GFRA1: variants seen among roughly 807,000 people sequenced by gnomAD.
GFRA1 encodes GDNF family receptor alpha-1.
A neutral mutation model predicts 51.6 loss-of-function variants in GFRA1; 16 were observed. The observed-to-expected ratio is 0.31, with a 90% CI of 0.21 to 0.47. The LOEUF (loss-of-function observed/expected upper bound fraction) is 0.47, where lower values mean the gene tolerates loss of function less well. Ranked by LOEUF, GFRA1 falls within the 20% of genes least tolerant of loss-of-function variation. GFRA1 has a pLI of 1.00. For missense variants in GFRA1, 530 were observed against 594.3 expected (o/e 0.89, Z 1.13); for synonymous variants, 270 against 241.3 (o/e 1.12, Z -1.10).
In GFRA1 at chr10:116,059,403, G is replaced by C. The variant is rs1954693489; in HGVS notation, c.*4995C>G. 1.3e-5 allele frequency: 2 copies of C among 152,252 alleles called. No homozygotes were observed. The highest frequency in any genetic ancestry group is 2.9e-5 in the Non-Finnish European group (2 of 68,084). 9.4% of individuals were successfully genotyped at this position (152,252 alleles called of 1,614,324 possible). Reference sequence around the variant, plus strand: ...AGAAAATCAGAGAAAACCTTCTATTGATGCCGGTGCTGGGCTTGGCAGCTG... The same window carrying C: ...AGAAAATCAGAGAAAACCTTCTATTCATGCCGGTGCTGGGCTTGGCAGCTG... On this transcript the variant is annotated 3_prime_UTR_variant, in exon 11 of 11. Transcript: ENST00000355422.
At chr10:116,227,850 T>C (rs933389349) in intron 4 of GFRA1, among the ~76,000 whole-genome samples, 5 of 152,208 alleles carry the variant, frequency 3.3e-5, no homozygotes, top group African/African-American at 9.6e-5. Flanking sequence ...GCACTTAGAA[T>C]GGGCCATGCA....
chr10:116,257,594 C>T (rs1968971804), intron 4 of GFRA1, among the ~76,000 whole-genome samples: 1 of 152,182 alleles, frequency 6.6e-6, no homozygotes, highest in Non-Finnish European at 1.5e-5. Flanking sequence ...TGAGAGGTTA[C>T]TCACCCACAG....
intron 5 of GFRA1, among the ~76,000 whole-genome samples, chr10:116,195,355 G>C (rs1211797426): frequency 2.0e-5 from 3 of 152,146 alleles, no homozygotes; most frequent in African/African-American, 7.2e-5. Context: ...TAACATTCTT[G>C]TAGAGCAGTG....
At chr10:116,157,048 G>A (rs1391456720) in intron 5 of GFRA1, among the ~76,000 whole-genome samples, 1 of 152,174 alleles carries the variant, frequency 6.6e-6, no homozygotes, top group African/African-American at 2.4e-5. Context: ...GCTGCAACCC[G>A]CATTGCTCTC....
At chr10:116,267,901 C>T (rs927060019) in intron 4 of GFRA1, among the ~76,000 whole-genome samples, 5 of 151,648 alleles carry the variant, frequency 3.3e-5, no homozygotes, top group African/African-American at 1.2e-4. Flanking sequence ...ACACTAAACT[C>T]GTATCCTTAT....
At chr10:116,190,782 C>A (rs1339740612) in intron 5 of GFRA1, among the ~76,000 whole-genome samples, 7 of 152,228 alleles carry the variant, frequency 4.6e-5, no homozygotes, top group Non-Finnish European at 4.4e-5. Context: ...CAAAGCCCTT[C>A]CTTTTCTCTT....
intron 4 of GFRA1, among the ~76,000 whole-genome samples, chr10:116,219,550 G>A (rs1285808685): frequency 1.3e-5 from 2 of 152,076 alleles, no homozygotes; most frequent in African/African-American, 4.8e-5. Context: ...GAAAAGAGCC[G>A]CATACATGAC....
At chr10:116,202,041 C>G (rs537189913) in intron 5 of GFRA1, among the ~76,000 whole-genome samples, 1 of 152,162 alleles carries the variant, frequency 6.6e-6, no homozygotes, top group Non-Finnish European at 1.5e-5. Context: ...CCGATTCCTC[C>G]GAGCTTTGTC....
chr10:116,161,637 A>T (rs1288601356), intron 5 of GFRA1, among the ~76,000 whole-genome samples: 3 of 152,176 alleles, frequency 2.0e-5, no homozygotes, highest in Non-Finnish European at 2.9e-5. Flanking sequence ...AGTAAGTCTC[A>T]TGAGATATGA....
chr10:116,091,146 C>T (rs1251875265), intron 8 of GFRA1, among the ~76,000 whole-genome samples: 1 of 152,182 alleles, frequency 6.6e-6, no homozygotes, highest in African/African-American at 2.4e-5. Context: ...CAGTTTCTTG[C>T]AACTACCTGT....
At chr10:116,181,467 C>T (rs1962209086) in intron 5 of GFRA1, among the ~76,000 whole-genome samples, 1 of 152,214 alleles carries the variant, frequency 6.6e-6, no homozygotes, top group Admixed American at 6.5e-5. Flanking sequence ...TCCATCTCAA[C>T]ACCTGTCCTC....
Position 116,058,623 on chromosome 10 carries a change from G to A in GFRA1, c.*5775C>T, listed in dbSNP as rs949985845. On this transcript the variant is annotated 3_prime_UTR_variant, in exon 11 of 11. Transcript: ENST00000355422. Reference sequence around the variant, plus strand: ...GAATGATTTGTAAAGAGAATACAGCGTCTCCGAAGGACATGAAATGGAAGG... The same window carrying A: ...GAATGATTTGTAAAGAGAATACAGCATCTCCGAAGGACATGAAATGGAAGG... The A allele has an allele frequency of 4.6e-5, 7 of 152,238 alleles. No individual in the cohort carries two copies. Among genetic ancestry groups the A allele is most frequent in the Non-Finnish European group, 1.0e-4 (7 of 68,074 alleles). 9.4% of individuals were successfully genotyped at this position (152,238 alleles called of 1,614,324 possible). A position where few individuals can be genotyped will look rare whatever the true frequency, so the allele number is the denominator to read the frequency against.
chr10:116,190,632 C>G (rs952567475), intron 5 of GFRA1, among the ~76,000 whole-genome samples: 1 of 152,136 alleles, frequency 6.6e-6, no homozygotes, highest in African/African-American at 2.4e-5. Flanking sequence ...CTCAACAAAT[C>G]CTTCCCAAAA....
At chr10:116,148,382 C>T (rs770712537) in intron 5 of GFRA1, among the ~76,000 whole-genome samples, 1 of 152,070 alleles carries the variant, frequency 6.6e-6, no homozygotes, top group African/African-American at 2.4e-5. Flanking sequence ...TGAAGACTCT[C>T]AACAGGACTC....
intron 4 of GFRA1, among the ~76,000 whole-genome samples, chr10:116,226,248 T>C (rs1589888546): frequency 6.6e-6 from 1 of 152,308 alleles, no homozygotes; most frequent in African/African-American, 2.4e-5. Context: ...GGGTAGAAGA[T>C]GGTCGGCATG....
intron 9 of GFRA1, among the ~76,000 whole-genome samples, chr10:116,071,737 T>C (rs1002740242): frequency 6.6e-6 from 1 of 152,204 alleles, no homozygotes; most frequent in Non-Finnish European, 1.5e-5. Context: ...GGTGGTCAAT[T>C]GGGAAATTAA....
intron 4 of GFRA1, among the ~76,000 whole-genome samples, chr10:116,223,040 C>G (rs1966034175): frequency 6.6e-6 from 1 of 152,010 alleles, no homozygotes; most frequent in African/African-American, 2.4e-5. Flanking sequence ...AATCCCACAC[C>G]ATTTTATATA....
At chr10:116,147,896 C>A (rs1228673180) in intron 5 of GFRA1, among the ~76,000 whole-genome samples, 2 of 148,270 alleles carry the variant, frequency 1.3e-5, no homozygotes. Context: ...CAGAAAGCCG[C>A]AGGTGGCTTT....
intron 5 of GFRA1, among the ~76,000 whole-genome samples, chr10:116,199,461 T>C (rs1227140445): frequency 6.6e-6 from 1 of 152,156 alleles, no homozygotes; most frequent in Non-Finnish European, 1.5e-5. Context: ...AGTTTTCAAA[T>C]ATGTAGCAAA....
Sources: gnomAD v4.1 joint callset for allele counts (sites outside exome capture counted in the v4.1 genomes callset) on GRCh38, gnomAD v4.1.1 for gene constraint, MANE v1.5 for transcripts, NCBI Gene and HGNC (gene_info 2026-07-23, HGNC 2026-07-21) for gene names.